SPOCK1: variants seen among roughly 807,000 people sequenced by gnomAD.
SPOCK1 encodes the protein SPARC (osteonectin), cwcv and kazal like domains proteoglycan 1.
Under a neutral mutation model 55.3 loss-of-function variants are expected in SPOCK1, and 23 were observed. The ratio of observed to expected loss-of-function variants is 0.42; its 90% CI spans 0.30 to 0.59. The LOEUF is 0.59. SPOCK1 is among the 20% of genes least tolerant of loss of function. The pLI, the probability that SPOCK1 is intolerant of heterozygous loss-of-function variation, is 0.22. For missense variants in SPOCK1, 499 were observed against 552.5 expected, an observed-to-expected ratio of 0.90 and a Z score of 0.97; for synonymous variants, 226 against 221.0, an observed-to-expected ratio of 1.02 and a Z score of -0.20.
chr5:137,384,124 G>T (rs1751544790), intron 2 of SPOCK1, among the ~76,000 whole-genome samples: 1 of 152,210 alleles, frequency 6.6e-6, no homozygotes, highest in Admixed American at 6.5e-5. Flanking sequence ...AGGACTGTCA[G>T]CACAGCATGG....
chr5:137,183,340 T>C (rs1296682699), intron 3 of SPOCK1, among the ~76,000 whole-genome samples: 1 of 151,992 alleles, frequency 6.6e-6, no homozygotes, highest in Non-Finnish European at 1.5e-5. Context: ...AGGAAAAAAG[T>C]CTATAAAAGG....
chr5:137,053,139 G>A (rs983121309), intron 6 of SPOCK1, among the ~76,000 whole-genome samples: 1 of 152,098 alleles, frequency 6.6e-6, no homozygotes, highest in African/African-American at 2.4e-5. Context: ...GCTAATTCTA[G>A]GAACTACATG....
At chr5:137,316,320 T>C (rs1050761973) in intron 2 of SPOCK1, among the ~76,000 whole-genome samples, 38 of 152,294 alleles carry the variant, frequency 2.5e-4, no homozygotes, top group African/African-American at 9.1e-4. Context: ...ATTTGGGAAG[T>C]GATGCATTCA....
chr5:136,992,046 C>A (rs1750958740), intron 7 of SPOCK1, among the ~76,000 whole-genome samples: 1 of 152,150 alleles, frequency 6.6e-6, no homozygotes, highest in East Asian at 1.9e-4. Flanking sequence ...ACCTCAATGT[C>A]CCAAAATAAA....
At chr5:137,390,460 C>T (rs904446526) in intron 2 of SPOCK1, among the ~76,000 whole-genome samples, 2 of 152,062 alleles carry the variant, frequency 1.3e-5, no homozygotes, top group African/African-American at 4.8e-5. Flanking sequence ...ATAGGAACAC[C>T]ATCTATTTGT....
intron 2 of SPOCK1, among the ~76,000 whole-genome samples, chr5:137,474,673 A>T (rs1753801231): frequency 6.6e-6 from 1 of 152,210 alleles, no homozygotes; most frequent in Non-Finnish European, 1.5e-5. Flanking sequence ...TCAAAAGAAC[A>T]GAAAAGCAAG....
chr5:137,068,733 C>G, intron 5 of SPOCK1, among the ~76,000 whole-genome samples: 1 of 152,216 alleles, frequency 6.6e-6, no homozygotes, highest in East Asian at 1.9e-4. Flanking sequence ...TTAATGCATT[C>G]CACAACACTG....
chr5:137,446,619 T>G (rs4976355), intron 2 of SPOCK1, among the ~76,000 whole-genome samples: 2 of 152,182 alleles, frequency 1.3e-5, no homozygotes, highest in Non-Finnish European at 2.9e-5. Context: ...CAAGTCAACA[T>G]GGCTTAGAAA....
At chr5:137,410,390 T>C (rs1416929557) in intron 2 of SPOCK1, among the ~76,000 whole-genome samples, 1 of 152,212 alleles carries the variant, frequency 6.6e-6, no homozygotes, top group East Asian at 1.9e-4. Context: ...CCTTGGAAAC[T>C]GATGACCATG....
Position 137,140,585 on chromosome 5 carries a change from G to A in SPOCK1, c.342C>T (p.Leu114=), listed in dbSNP as rs1440279314. 1 of 1,613,006 alleles carries A rather than the reference G, an allele frequency of 6.2e-7. No individual in the cohort carries two copies. Among genetic ancestry groups the A allele is most frequent in the East Asian group, 2.2e-5 (1 of 44,836 alleles). Residue 114 remains leucine, a synonymous_variant, in exon 4 of 11, where the codon CTC becomes CTT. Coordinates refer to ENST00000394945, the MANE Select transcript of SPOCK1 (RefSeq NM_004598.4). The part of the protein sequence containing the change: ...TALCVSRKHL[L]PRQKKGNVAQ... ...CCCCGGCCTTCCTGCCTTACCTGGG[G>A]AGCAGGTGCTTGCGGCTGACACACA...
At chr5:137,206,117 A>G (rs1580807181) in intron 3 of SPOCK1, among the ~76,000 whole-genome samples, 2 of 152,248 alleles carry the variant, frequency 1.3e-5, no homozygotes, top group Admixed American at 6.5e-5. Context: ...CAATTCCTCT[A>G]CAAGAACCAT....
chr5:137,201,907 C>T (rs533665754), intron 3 of SPOCK1, among the ~76,000 whole-genome samples: 90 of 152,330 alleles, frequency 5.9e-4, no homozygotes, highest in African/African-American at 2.0e-3. Flanking sequence ...ACCCATGAGA[C>T]TTAAATGCAC....
intron 2 of SPOCK1, among the ~76,000 whole-genome samples, chr5:137,290,518 C>G (rs1757353664): frequency 6.6e-6 from 1 of 152,194 alleles, no homozygotes. Context: ...CAGTAATATT[C>G]TGTTTCTTGA....
intron 5 of SPOCK1, among the ~76,000 whole-genome samples, chr5:137,082,418 G>A (rs115879134): frequency 6.6e-6 from 1 of 152,184 alleles, no homozygotes; most frequent in Non-Finnish European, 1.5e-5. Flanking sequence ...CCAGGTGGGT[G>A]GGGATGCTTA....
chr5:137,373,606 G>A (rs567777716), intron 2 of SPOCK1, among the ~76,000 whole-genome samples: 1 of 152,214 alleles, frequency 6.6e-6, no homozygotes, highest in Non-Finnish European at 1.5e-5. Flanking sequence ...TGCAGGTGAG[G>A]GTCCTGAATG....
intron 2 of SPOCK1, among the ~76,000 whole-genome samples, chr5:137,455,464 C>A (rs1753344977): frequency 6.6e-6 from 1 of 152,098 alleles, no homozygotes; most frequent in Non-Finnish European, 1.5e-5. Context: ...CCCAGGCTGG[C>A]CTAACAGGGT....
rs772023034 is a variant in SPOCK1 at position 137,140,536 on chromosome 5, G to A, written c.347+44C>T. The A allele has an allele frequency of 2.0e-5, 31 of 1,522,924 alleles. No individual in the cohort carries two copies. The East Asian group carries it at 5.0e-4, about 25-fold the overall frequency. The allele number at this position is 1,522,924 out of a possible 1,614,324, so 94.3% of individuals were successfully genotyped here. A position where few individuals can be genotyped will look rare whatever the true frequency, so the allele number is the denominator to read the frequency against. ...CTGGAAACCCTCAGATCTGCCAGCT[G>A]CAGAATGCCTCCCAGCCCCCAGCCC... On this transcript the variant is annotated intron_variant, in intron 4 of 10. Coordinates refer to ENST00000394945, the MANE Select transcript of SPOCK1 (RefSeq NM_004598.4).
At chr5:137,100,407 A>G (rs1753239238) in intron 5 of SPOCK1, among the ~76,000 whole-genome samples, 1 of 152,212 alleles carries the variant, frequency 6.6e-6, no homozygotes, top group African/African-American at 2.4e-5. Flanking sequence ...TGGCTGGACT[A>G]GATAGCTTCC....
At chr5:137,311,691 A>C (rs890580473) in intron 2 of SPOCK1, among the ~76,000 whole-genome samples, 1 of 152,128 alleles carries the variant, frequency 6.6e-6, no homozygotes, top group African/African-American at 2.4e-5. Flanking sequence ...AAAATATATA[A>C]ATATGTAAAA....
Sources: gnomAD v4.1 joint callset for allele counts (sites outside exome capture counted in the v4.1 genomes callset) on GRCh38, gnomAD v4.1.1 for gene constraint, MANE v1.5 for transcripts, NCBI Gene and HGNC (gene_info 2026-07-23, HGNC 2026-07-21) for gene names.